The following DCAF6 variants were observed in gnomAD, a reference collection of about 807,000 sequenced individuals.
DCAF6 encodes DDB1 and CUL4 associated factor 6.
Under a neutral mutation model 125.1 loss-of-function variants are expected in DCAF6, and 54 were observed. That is an observed-to-expected ratio of 0.43 (90% confidence interval 0.35 to 0.54). DCAF6 has a LOEUF of 0.54. Ranked by LOEUF, DCAF6 falls within the 20% of genes least tolerant of loss-of-function variation. The pLI is 0.01. For missense variants in DCAF6, 934 were observed against 1,161.7 expected, an observed-to-expected ratio of 0.80 and a Z score of 2.85; for synonymous variants, 371 against 390.4, an observed-to-expected ratio of 0.95 and a Z score of 0.58.
chr1:167,978,051 C>T (rs1225146771), intron 4 of DCAF6, among the ~76,000 whole-genome samples: 1 of 152,014 alleles, frequency 6.6e-6, no homozygotes, highest in East Asian at 1.9e-4. Flanking sequence ...AAAATCTTAA[C>T]TCATTTGTGA....
intron 7 of DCAF6, chr1:167,998,872 A>G (rs904811875): frequency 1.3e-5 from 2 of 152,630 alleles, no homozygotes; most frequent in Non-Finnish European, 2.9e-5. Context: ...AAAGTGATCC[A>G]CTAGGGTTGG....
intron 4 of DCAF6, among the ~76,000 whole-genome samples, chr1:167,979,893 A>G (rs551080727): frequency 2.0e-5 from 3 of 150,322 alleles, no homozygotes; most frequent in African/African-American, 7.4e-5. Flanking sequence ...TCTCAAAATA[A>G]ATAAACAGGC....
the DCAF6 span, among the ~76,000 whole-genome samples, chr1:167,924,896 A>G: frequency 6.6e-6 from 1 of 152,220 alleles, no homozygotes; most frequent in African/African-American, 2.4e-5. Flanking sequence ...GAACCCAGTG[A>G]TAACACCCCA....
the DCAF6 span, chr1:167,920,677 G>A: frequency 6.4e-7 from 1 of 1,558,352 alleles, no homozygotes; most frequent in Non-Finnish European, 8.7e-7. Flanking sequence ...CAAATGTGGA[G>A]TAATAGTTTT....
intron 5 of DCAF6, 76 bp downstream of exon 5, chr1:167,987,684 T>A: frequency 1.4e-6 from 1 of 732,946 alleles, no homozygotes; most frequent in Non-Finnish European, 2.3e-6. Flanking sequence ...ATTAAAGTTA[T>A]AATTAAGGTT....
intron 12 of DCAF6, among the ~76,000 whole-genome samples, chr1:168,035,508 C>T (rs1285687701): frequency 1.3e-5 from 2 of 152,152 alleles, no homozygotes; most frequent in Non-Finnish European, 2.9e-5. Flanking sequence ...ATTGTGTTGT[C>T]TTTCTGCCAG....
the DCAF6 span, chr1:167,904,101 T>C: frequency 1.5e-6 from 1 of 677,462 alleles, no homozygotes; most frequent in Non-Finnish European, 2.5e-6. Flanking sequence ...TTTTTTTTTT[T>C]TTTTGAGACA....
At chr1:167,999,905 T>C (rs1682335204) in intron 7 of DCAF6, among the ~76,000 whole-genome samples, 1 of 152,174 alleles carries the variant, frequency 6.6e-6, no homozygotes, top group Admixed American at 6.6e-5. Flanking sequence ...TCCAGAACTT[T>C]TCCTTTGCAT....
At chr1:167,992,687 T>C (rs1681026672) in intron 6 of DCAF6, among the ~76,000 whole-genome samples, 1 of 152,230 alleles carries the variant, frequency 6.6e-6, no homozygotes, top group Non-Finnish European at 1.5e-5. Context: ...GTTGTACACC[T>C]ATCTGTCATA....
chr1:167,951,013 C>A (rs1407768268), intron 1 of DCAF6, among the ~76,000 whole-genome samples: 2 of 152,150 alleles, frequency 1.3e-5, no homozygotes, highest in Non-Finnish European at 2.9e-5. Context: ...AAATTAAAAA[C>A]CTTACTCCCT....
At chr1:167,879,663 T>A in the DCAF6 span, among the ~76,000 whole-genome samples, 1 of 152,152 alleles carries the variant, frequency 6.6e-6, no homozygotes, top group African/African-American at 2.4e-5. Flanking sequence ...TTGCTGAAAA[T>A]CTTAAACCCT....
chr1:167,885,988 T>C, the DCAF6 span, among the ~76,000 whole-genome samples: 1 of 152,094 alleles, frequency 6.6e-6, no homozygotes, highest in South Asian at 2.1e-4. Context: ...GCTTCTTATA[T>C]AGGGATGTGA....
At position 168,045,043 on chromosome 1, in the gene DCAF6, A is replaced by G. The variant is rs750158437; in HGVS notation, c.2074A>G (p.Ser692Gly). Residue 692 changes from serine (S) to glycine (G), a missense_variant, in exon 16 of 22, where the codon AGC becomes GGC. This residue lies in a region of DCAF6 where 559 missense variants were observed against 635.5 expected (regional missense o/e 0.88). Transcript: ENST00000367840. Reference protein sequence around the residue: ...AKEPETSDQTSTESATNENNT... With the variant: ...AKEPETSDQTGTESATNENNT... ...GGAACCAGAAACTTCAGATCAGACT[A>G]GCACTGAGAGTGCTACCAATGAAAA... 18 of 1,613,958 alleles carry G rather than the reference A, an allele frequency of 1.1e-5. No homozygotes were observed. The highest frequency in any genetic ancestry group is 1.4e-5 in the Non-Finnish European group (17 of 1,179,964).
intron 2 of DCAF6, 125 bp downstream of exon 2, chr1:167,951,986 A>G (rs1044994025): frequency 5.4e-6 from 3 of 554,706 alleles, no homozygotes; most frequent in African/African-American, 3.9e-5. Context: ...AAAGTTTTAC[A>G]TTAAAATATA....
At chr1:167,925,451 A>ATC in the DCAF6 span, among the ~76,000 whole-genome samples, 23 of 109,430 alleles carry the variant, frequency 2.1e-4, no homozygotes, top group African/African-American at 8.5e-4. Flanking sequence ...ACATATATAT[A>ATC]TATATATATA....
chr1:167,936,857 C>CAACAA lies in DCAF6; in HGVS notation c.-55_-54insAACAA. The CAACAA allele has an allele frequency of 7.1e-7, 1 of 1,416,080 alleles. No homozygotes were observed. Among genetic ancestry groups the CAACAA allele is most frequent in the Non-Finnish European group, 9.7e-7 (1 of 1,027,264 alleles). The allele number at this position is 1,416,080 out of a possible 1,614,324, so 87.7% of individuals were successfully genotyped here. A position where few individuals can be genotyped will look rare whatever the true frequency, so the allele number is the denominator to read the frequency against. ...GGTGTTGAAACGGGTGTCCCCTCCC[C>CAACAA]CTCCTCCCCTCCCCCACGCGGTGGT... On this transcript the variant is annotated 5_prime_UTR_variant, in exon 1 of 22. Coordinates refer to ENST00000367840, the MANE Select transcript of DCAF6 (RefSeq NM_001198956.2).
intron 6 of DCAF6, among the ~76,000 whole-genome samples, chr1:167,991,894 T>C (rs1050820359): frequency 6.6e-6 from 1 of 152,014 alleles, no homozygotes; most frequent in Non-Finnish European, 1.5e-5. Context: ...GGGCCCTGGA[T>C]TAGGTGGGCC....
At chr1:167,875,765 A>AT in the DCAF6 span, among the ~76,000 whole-genome samples, 1 of 152,140 alleles carries the variant, frequency 6.6e-6, no homozygotes, top group Non-Finnish European at 1.5e-5. Flanking sequence ...CCTGGCTAAC[A>AT]CGGTGAAACC....
chr1:167,897,162 T>C, the DCAF6 span, among the ~76,000 whole-genome samples: 9,952 of 150,122 alleles, frequency 0.066, 385 homozygotes, highest in Middle Eastern at 0.11. Flanking sequence ...CTCATTTTTG[T>C]GGTATTCTTG....
Sources: allele counts gnomAD v4.1 joint callset (sites outside exome capture counted in the v4.1 genomes callset), GRCh38; gene constraint gnomAD v4.1.1; regional missense constraint gnomAD v4.1.1; transcripts MANE v1.5; gene names NCBI Gene and HGNC (gene_info 2026-07-23, HGNC 2026-07-21).